The following FBXL7 variants were observed in gnomAD, a reference collection of about 807,000 sequenced individuals.
The protein encoded by FBXL7 is F-box/LRR-repeat protein 7.
FBXL7 carries 12 observed loss-of-function variants against 38.3 expected under a neutral mutation model. The observed-to-expected ratio is 0.31, with a 90% CI of 0.20 to 0.51. FBXL7 has a LOEUF of 0.51. FBXL7 is among the 20% of genes least tolerant of loss of function. The pLI, the probability that FBXL7 is intolerant of heterozygous loss-of-function variation, is 0.98. For synonymous variants in FBXL7, 297 were observed against 300.9 expected, an observed-to-expected ratio of 0.99 and a Z score of 0.13; for missense variants, 567 against 676.4, an observed-to-expected ratio of 0.84 and a Z score of 1.79.
At chr5:15,720,732 G>A (rs1363515908) in intron 2 of FBXL7, among the ~76,000 whole-genome samples, 1 of 136,998 alleles carries the variant, frequency 7.3e-6, no homozygotes, top group African/African-American at 2.6e-5. Flanking sequence ...GCTACCATAT[G>A]TATTAGACTG....
chr5:15,757,691 G>T (rs369779174), intron 2 of FBXL7, among the ~76,000 whole-genome samples: 4 of 152,228 alleles, frequency 2.6e-5, no homozygotes, highest in East Asian at 1.9e-4. Context: ...CTGCTGTTCT[G>T]TCATTTGTAA....
chr5:15,506,624 G>A (rs914929201), intron 1 of FBXL7, among the ~76,000 whole-genome samples: 1 of 152,010 alleles, frequency 6.6e-6, no homozygotes, highest in Non-Finnish European at 1.5e-5. Flanking sequence ...CTGAGATTGG[G>A]GTTCCAGCAC....
At chr5:15,796,514 T>C (rs1326774238) in intron 2 of FBXL7, among the ~76,000 whole-genome samples, 1 of 152,160 alleles carries the variant, frequency 6.6e-6, no homozygotes, top group Non-Finnish European at 1.5e-5. Context: ...TTCAACAATT[T>C]TATCTCTGTT....
In FBXL7 at chr5:15,593,478, C is replaced by T. The variant is rs542151865; in HGVS notation, c.38-22505C>T. On this transcript the variant is annotated intron_variant, in intron 1 of 3. Coordinates refer to ENST00000504595, the MANE Select transcript of FBXL7 (RefSeq NM_012304.5). ...GGCGGAGGCTAGAGTGATCTGAGAT[C>T]GCCCCACTGCACTCTAGTCTGGGCG... Among the ~76,000 whole-genome samples, 13 of 151,990 alleles carry T rather than the reference C, an allele frequency of 8.6e-5. No individual in the cohort carries two copies. The East Asian group carries it at 9.7e-4, about 11-fold the overall frequency.
chr5:15,760,761 G>T (rs534072054), intron 2 of FBXL7, among the ~76,000 whole-genome samples: 2 of 152,146 alleles, frequency 1.3e-5, no homozygotes, highest in Non-Finnish European at 2.9e-5. Context: ...AGATAAACTG[G>T]TGGAGGGAAT....
At chr5:15,832,362 CA>C (rs1738480265) in intron 2 of FBXL7, among the ~76,000 whole-genome samples, 1 of 152,158 alleles carries the variant, frequency 6.6e-6, no homozygotes, top group African/African-American at 2.4e-5. Flanking sequence ...CTAGAAATGA[CA>C]CTCACTAGGG....
intron 1 of FBXL7, among the ~76,000 whole-genome samples, chr5:15,509,478 A>T (rs1021879146): frequency 1.3e-5 from 2 of 152,324 alleles, no homozygotes; most frequent in Non-Finnish European, 2.9e-5. Flanking sequence ...AAATGTGGAC[A>T]TGAGTGAGAA....
chr5:15,702,945 C>T (rs1454632775), intron 2 of FBXL7, among the ~76,000 whole-genome samples: 2 of 152,014 alleles, frequency 1.3e-5, no homozygotes, highest in Non-Finnish European at 2.9e-5. Flanking sequence ...GTGGGGGTCA[C>T]AAGGTGCTCA....
chr5:15,668,588 C>T (rs1742360631), intron 2 of FBXL7, among the ~76,000 whole-genome samples: 1 of 152,086 alleles, frequency 6.6e-6, no homozygotes, highest in Non-Finnish European at 1.5e-5. Flanking sequence ...TGACTGATGG[C>T]TGGATCTTGA....
intron 2 of FBXL7, among the ~76,000 whole-genome samples, chr5:15,852,958 T>G (rs1561152805): frequency 6.6e-6 from 1 of 152,176 alleles, no homozygotes; most frequent in Non-Finnish European, 1.5e-5. Context: ...TACAGTCACT[T>G]ATGGAGGGCT....
chr5:15,652,941 T>A (rs988011550), intron 2 of FBXL7, among the ~76,000 whole-genome samples: 2 of 152,252 alleles, frequency 1.3e-5, no homozygotes, highest in Admixed American at 6.5e-5. Flanking sequence ...TTTATCCTGA[T>A]GTGATTATTA....
chr5:15,937,148 C>G lies in FBXL7; in HGVS notation c.1438C>G (p.Arg480Gly), dbSNP rs576303242. Reference protein sequence around the residue: ...ALRFVKRHCKRCVIEHTNPAF... With the variant: ...ALRFVKRHCKGCVIEHTNPAF... Reference sequence around the variant, plus strand: ...GCGCTTTGTCAAACGCCACTGCAAGCGCTGCGTCATCGAGCACACCAACCC... The same window carrying G: ...GCGCTTTGTCAAACGCCACTGCAAGGGCTGCGTCATCGAGCACACCAACCC... Residue 480 changes from arginine (R) to glycine (G), a missense_variant, in exon 4 of 4, where the codon CGC becomes GGC. By Grantham distance (125) the Arg-to-Gly change is moderately radical. Transcript: ENST00000504595. 5 of 1,605,356 alleles carry G rather than the reference C, an allele frequency of 3.1e-6. No homozygotes were observed. Among genetic ancestry groups the G allele is most frequent in the African/African-American group, 1.3e-5 (1 of 74,786 alleles).
At chr5:15,620,356 C>T (rs796191272) in intron 2 of FBXL7, among the ~76,000 whole-genome samples, 24 of 151,142 alleles carry the variant, frequency 1.6e-4, no homozygotes, top group African/African-American at 5.8e-4. Context: ...CCTCAGCCTC[C>T]CGAGTAGCTG....
chr5:15,722,974 CAGTT>C (rs376664875), intron 2 of FBXL7, among the ~76,000 whole-genome samples: 24 of 149,168 alleles, frequency 1.6e-4, no homozygotes, highest in African/African-American at 5.6e-4. Flanking sequence ...AAAAAAATCA[CAGTT>C]AGTTCTTGAC....
At chr5:15,842,175 C>A (rs568840108) in intron 2 of FBXL7, among the ~76,000 whole-genome samples, 1 of 152,328 alleles carries the variant, frequency 6.6e-6, no homozygotes, top group Non-Finnish European at 1.5e-5. Context: ...TGCAAAACCA[C>A]AGGGACCAAT....
chr5:15,887,976 C>T (rs962548115), intron 2 of FBXL7, among the ~76,000 whole-genome samples: 16 of 152,276 alleles, frequency 1.1e-4, no homozygotes, highest in Middle Eastern at 3.4e-3. Context: ...TCTCCTGTGT[C>T]TGACATCATA....
At chr5:15,899,969 G>A (rs1007335707) in intron 2 of FBXL7, among the ~76,000 whole-genome samples, 3 of 152,086 alleles carry the variant, frequency 2.0e-5, no homozygotes, top group African/African-American at 7.2e-5. Flanking sequence ...TTAGTATCAA[G>A]ATTAACTGGC....
chr5:15,634,637 T>C (rs2126546458), intron 2 of FBXL7, among the ~76,000 whole-genome samples: 1 of 152,300 alleles, frequency 6.6e-6, no homozygotes, highest in East Asian at 1.9e-4. Context: ...ATCAGTTTCC[T>C]GATGCTACTA....
At chr5:15,624,710 C>G (rs1257829518) in intron 2 of FBXL7, among the ~76,000 whole-genome samples, 1 of 152,266 alleles carries the variant, frequency 6.6e-6, no homozygotes, top group South Asian at 2.1e-4. Flanking sequence ...GTAGATGATT[C>G]TGATGATTCA....
Sources: gnomAD v4.1 joint callset for allele counts (sites outside exome capture counted in the v4.1 genomes callset) on GRCh38, gnomAD v4.1.1 for gene constraint, MANE v1.5 for transcripts, NCBI Gene and HGNC (gene_info 2026-07-23, HGNC 2026-07-21) for gene names.